Variants in PTPN11 observed in about 807,000 individuals in gnomAD.
PTPN11 encodes the protein tyrosine-protein phosphatase non-receptor type 11.
Under a neutral mutation model 78.8 loss-of-function variants are expected in PTPN11, and 6 were observed. That is an observed-to-expected ratio of 0.08 (90% CI 0.04 to 0.15). PTPN11 has a LOEUF of 0.15. Ranked by LOEUF, PTPN11 falls within the 10% of genes least tolerant of loss-of-function variation. PTPN11 has a pLI of 1.00. For missense variants in PTPN11, 386 were observed against 744.8 expected (o/e 0.52, Z 5.61); for synonymous variants, 221 against 263.5 (o/e 0.84, Z 1.56).
At chr12:112,459,384 G>A (rs893888395) in intron 6 of PTPN11, among the ~76,000 whole-genome samples, 7 of 151,294 alleles carry the variant, frequency 4.6e-5, no homozygotes, top group South Asian at 2.1e-4. Flanking sequence ...AATCTTTTTC[G>A]ACTCTGCCCC....
chr12:112,427,123 G>A (rs1339651722), intron 1 of PTPN11, among the ~76,000 whole-genome samples: 2 of 152,134 alleles, frequency 1.3e-5, no homozygotes, highest in African/African-American at 4.8e-5. Context: ...GTGCATGCCT[G>A]TAGTCACAGC....
At chr12:112,486,881 T>A in intron 11 of PTPN11, 3 of 1,411,724 alleles carry the variant, frequency 2.1e-6, no homozygotes, top group Non-Finnish European at 2.8e-6. Context: ...CAGCATTATC[T>A]CTGAGTCCAC....
intron 13 of PTPN11, among the ~76,000 whole-genome samples, chr12:112,498,536 G>A (rs1179373260): frequency 1.3e-5 from 2 of 152,118 alleles, no homozygotes; most frequent in African/African-American, 4.8e-5. Flanking sequence ...ACTTAACATG[G>A]AAAGATACTT....
At chr12:112,497,302 A>G (rs1239475889) in intron 13 of PTPN11, among the ~76,000 whole-genome samples, 2 of 152,112 alleles carry the variant, frequency 1.3e-5, no homozygotes, top group Non-Finnish European at 2.9e-5. Flanking sequence ...AGCACTTGCT[A>G]TTTGGCTCCT....
chr12:112,470,872 C>T (rs561908765), intron 6 of PTPN11, among the ~76,000 whole-genome samples: 3 of 152,186 alleles, frequency 2.0e-5, no homozygotes, highest in Non-Finnish European at 4.4e-5. Flanking sequence ...CCTGTCTAAA[C>T]ATCAAGGTTA....
At chr12:112,436,241 T>G (rs2037788193) in intron 1 of PTPN11, among the ~76,000 whole-genome samples, 2 of 152,154 alleles carry the variant, frequency 1.3e-5, no homozygotes, top group Non-Finnish European at 2.9e-5. Context: ...TAATCTATGG[T>G]AGAGATATTA....
intron 2 of PTPN11, among the ~76,000 whole-genome samples, chr12:112,447,983 G>A (rs905964104): frequency 6.6e-6 from 1 of 151,620 alleles, no homozygotes; most frequent in African/African-American, 2.4e-5. Context: ...TGTATTTTTT[G>A]TAGAGACTAG....
intron 13 of PTPN11, among the ~76,000 whole-genome samples, chr12:112,498,433 C>CTGTA (rs1358362366): frequency 1.1e-4 from 17 of 152,204 alleles, no homozygotes; most frequent in Admixed American, 1.3e-4. Context: ...CTAGGCTGCT[C>CTGTA]TGTAACCAAG....
chr12:112,468,754 G>T (rs947037838), intron 6 of PTPN11, among the ~76,000 whole-genome samples: 2 of 152,174 alleles, frequency 1.3e-5, no homozygotes, highest in African/African-American at 4.8e-5. Context: ...AGGTGATTGA[G>T]AACTTACTGC....
Position 112,442,860 on chromosome 12 carries a change from ATATATATATATATATAT to A in PTPN11, c.15-3415_15-3399del, listed in dbSNP as rs1566162717. Among the ~76,000 whole-genome samples, 456 of 79,382 alleles carry A rather than the reference ATATATATATATATATAT, an allele frequency of 5.7e-3. 10 individuals are homozygous for A. The East Asian group carries it at 0.18, about 32-fold the overall frequency. 52.1% of individuals were successfully genotyped at this position (79,382 alleles called of 152,430 possible). A position where few individuals can be genotyped will look rare whatever the true frequency, so the allele number is the denominator to read the frequency against. On this transcript the variant is annotated intron_variant, in intron 1 of 15. Coordinates refer to ENST00000351677, the MANE Select transcript of PTPN11 (RefSeq NM_002834.5). ...TATATATATATATATATATATATAT[ATATATATATATATATAT>A]AAATTATATATACACTACACATATA...
intron 2 of PTPN11, among the ~76,000 whole-genome samples, chr12:112,449,990 G>A (rs187188032): frequency 0.011 from 1,667 of 151,832 alleles, 12 homozygotes; most frequent in Non-Finnish European, 0.016. Flanking sequence ...ACTTGAACCT[G>A]GATTTATAAT....
chr12:112,447,498 C>T (rs1422700666), intron 2 of PTPN11, among the ~76,000 whole-genome samples: 1 of 151,734 alleles, frequency 6.6e-6, no homozygotes. Flanking sequence ...TGATTGATAA[C>T]GATCTATTTT....
rs1695013968 is a variant in PTPN11 at position 112,436,873 on chromosome 12, A to C, written c.15-9403A>C. On this transcript the variant is annotated intron_variant, in intron 1 of 15. Coordinates refer to ENST00000351677, the MANE Select transcript of PTPN11 (RefSeq NM_002834.5). ...AAGTTAGAACTGACTTCAGTCCTTG[A>C]GGTTTTTTACCATTTAATGAATAAT... Among the ~76,000 whole-genome samples the C allele has an allele frequency of 2.0e-5, 3 of 152,104 alleles. No individual in the cohort carries two copies. In the South Asian group the frequency reaches 6.2e-4, roughly 31 times the overall value.
chr12:112,486,686 G>A, intron 11 of PTPN11, 57 bp downstream of exon 11: 1 of 1,600,208 alleles, frequency 6.2e-7, no homozygotes, highest in South Asian at 1.1e-5. Flanking sequence ...CTAGCGCCCA[G>A]GGCTTGCTTT....
chr12:112,428,397 T>C (rs63055361), intron 1 of PTPN11, among the ~76,000 whole-genome samples: 2 of 73,418 alleles, frequency 2.7e-5, no homozygotes, highest in African/African-American at 6.3e-5. Context: ...GTGTGTTGTC[T>C]TTTTTTTTTT....
chr12:112,477,563 T>C, intron 7 of PTPN11, 88 bp from the exon 8 acceptor site: 1 of 1,049,058 alleles, frequency 9.5e-7, no homozygotes, highest in Non-Finnish European at 1.5e-6. Flanking sequence ...TGAACAAAAC[T>C]TGGACTAGGC....
chr12:112,491,954 G>T (rs1017397041), intron 13 of PTPN11, among the ~76,000 whole-genome samples: 1 of 152,170 alleles, frequency 6.6e-6, no homozygotes, highest in African/African-American at 2.4e-5. Flanking sequence ...TGACCCTCCC[G>T]CCTTGGCCTC....
At chr12:112,448,316 T>G (rs2038025277) in intron 2 of PTPN11, among the ~76,000 whole-genome samples, 1 of 151,942 alleles carries the variant, frequency 6.6e-6, no homozygotes, top group Non-Finnish European at 1.5e-5. Flanking sequence ...GTTCAAGTGA[T>G]TTTCATGACT....
Position 112,482,276 on chromosome 12 carries a change from T to A in PTPN11, c.1224+71T>A, listed in dbSNP as rs1475396109. 3.9e-6 allele frequency: 6 copies of A among 1,540,946 alleles called. No individual in the cohort carries two copies. The highest frequency in any genetic ancestry group is 5.4e-6 in the Non-Finnish European group (6 of 1,117,088). The stretch of plus-strand genomic sequence containing the variant: ...TGTGTAGGAATTCAGGGTCTTGCCG[T>A]TACTCATGTTTGCATACATGCATGC... On this transcript the variant is annotated intron_variant, in intron 10 of 15. Transcript: ENST00000351677. The surrounding 1 kb of genome is among the most constrained non-coding windows in gnomAD (Gnocchi z 4.4).
Sources: gnomAD v4.1 joint callset for allele counts (sites outside exome capture counted in the v4.1 genomes callset) on GRCh38, gnomAD v4.1.1 for gene constraint, Gnocchi (gnomAD v3.1) non-coding constraint, MANE v1.5 for transcripts, NCBI Gene and HGNC (gene_info 2026-07-23, HGNC 2026-07-21) for gene names.